The following CPXM2 variants were observed in gnomAD, a reference collection of about 807,000 sequenced individuals.
CPXM2 encodes the protein carboxypeptidase X, M14 family member 2, also known as inactive carboxypeptidase-like protein X2.
Under a neutral mutation model 86.1 loss-of-function variants are expected in CPXM2, and 66 were observed. The ratio of observed to expected loss-of-function variants is 0.77; its 90% CI spans 0.63 to 0.94. The LOEUF is 0.94. CPXM2 is among the 40% of genes least tolerant of loss of function. The probability of loss-of-function intolerance (pLI) is 0.00; values close to 1 mark genes in which losing one functional copy is unlikely to be tolerated. For synonymous variants in CPXM2, 388 were observed against 400.2 expected, an observed-to-expected ratio of 0.97 and a Z score of 0.36; for missense variants, 948 against 1,026.3, an observed-to-expected ratio of 0.92 and a Z score of 1.04.
intron 7 of CPXM2, among the ~76,000 whole-genome samples, chr10:123,778,370 T>C (rs1457682550): frequency 1.3e-5 from 2 of 152,104 alleles, no homozygotes; most frequent in Admixed American, 1.3e-4. Context: ...AAATGGCAAA[T>C]CATTTCTGGC....
chr10:123,863,182 C>CCATTTGCCCCTGGAATAAAA (rs1848892907), intron 2 of CPXM2, among the ~76,000 whole-genome samples: 1 of 152,204 alleles, frequency 6.6e-6, no homozygotes, highest in Admixed American at 6.5e-5. Flanking sequence ...CTAGTAAACA[C>CCATTTGCCCCTGGAATAAAA]CATTTGCCCC....
chr10:123,788,843 G>A (rs897519707), intron 6 of CPXM2, among the ~76,000 whole-genome samples: 1 of 149,442 alleles, frequency 6.7e-6, no homozygotes, highest in Non-Finnish European at 1.5e-5. Context: ...CACTTTAAAA[G>A]GCTTAGTGTA....
At chr10:123,798,969 G>A (rs992746284) in intron 5 of CPXM2, 146 bp downstream of exon 5, 14 of 851,144 alleles carry the variant, frequency 1.6e-5, no homozygotes, top group Non-Finnish European at 2.2e-5. Context: ...GGCAGGGAAA[G>A]GGTCTCTGTC....
intron 4 of CPXM2, among the ~76,000 whole-genome samples, chr10:123,809,220 G>A (rs1273996367): frequency 6.6e-6 from 1 of 152,088 alleles, no homozygotes; most frequent in African/African-American, 2.4e-5. Flanking sequence ...GCAAGAAGTA[G>A]GGATGCTGGC....
intron 2 of CPXM2, among the ~76,000 whole-genome samples, chr10:123,915,779 G>C (rs1375771753): frequency 6.6e-6 from 1 of 152,154 alleles, no homozygotes; most frequent in Non-Finnish European, 1.5e-5. Flanking sequence ...AAGCTAAGCA[G>C]AGAGAAAACA....
At chr10:123,902,359 G>A (rs1169422051) in intron 2 of CPXM2, among the ~76,000 whole-genome samples, 1 of 152,198 alleles carries the variant, frequency 6.6e-6, no homozygotes, top group East Asian at 1.9e-4. Flanking sequence ...CATCTGCAGA[G>A]TGGGGGAATC....
In CPXM2 at chr10:123,753,605, C is replaced by T. The variant is rs140385087; in HGVS notation, c.2017+1058G>A. 3.8e-3 allele frequency among the ~76,000 whole-genome samples: 582 copies of T among 152,322 alleles called. 1 individual carries two copies. Among genetic ancestry groups the T allele is most frequent in the African/African-American group, 0.013 (551 of 41,570 alleles). The stretch of plus-strand genomic sequence containing the variant: ...ACAACTGAGAGAAAGCATGTATGAG[C>T]GTTCTTTGAGAACAGATCGTGTGGG... On this transcript the variant is annotated intron_variant, in intron 13 of 13. Coordinates refer to ENST00000241305, the MANE Select transcript of CPXM2 (RefSeq NM_198148.3).
rs971539814 is a variant in CPXM2 at position 123,914,691 on chromosome 10, G to A, written n.174+24786C>T. Among the ~76,000 whole-genome samples, 14 of 152,270 alleles carry A rather than the reference G, an allele frequency of 9.2e-5. No individual in the cohort carries two copies. The South Asian group carries it at 1.0e-3, about 11-fold the overall frequency. On this transcript the variant is annotated intron_variant and non_coding_transcript_variant, in intron 2 of 19. Transcript: ENST00000368854. ...AGCATAGCATCCATCAGCCCATCTCGTAGATTCAGCTTCCAACGTATACCA... is the reference window on the plus strand; with the variant it reads ...AGCATAGCATCCATCAGCCCATCTCATAGATTCAGCTTCCAACGTATACCA...
chr10:123,877,707 TGA>T (rs1187458700), intron 2 of CPXM2, among the ~76,000 whole-genome samples: 3 of 152,174 alleles, frequency 2.0e-5, no homozygotes, highest in Non-Finnish European at 4.4e-5. Flanking sequence ...GGTGTGGACA[TGA>T]GAAGAGGTGA....
chr10:123,752,575 T>C, intron 13 of CPXM2: 4 of 985,340 alleles, frequency 4.1e-6, no homozygotes, highest in Non-Finnish European at 4.8e-6. Flanking sequence ...CATCCTAATG[T>C]CCCAAAGTCT....
rs141513533 is a variant in CPXM2 at position 123,911,040 on chromosome 10, C to T, written n.174+28437G>A. ...TCCCTCTTCTTATAAGGACAGCAGT[C>T]ATCCTGGATTAAAGCCCATCCCAAG... On this transcript the variant is annotated intron_variant and non_coding_transcript_variant, in intron 2 of 19. Transcript: ENST00000368854. 5.5e-3 allele frequency among the ~76,000 whole-genome samples: 843 copies of T among 152,322 alleles called. 2 individuals are homozygous for T. The highest frequency in any genetic ancestry group is 9.1e-3 in the Non-Finnish European group (622 of 68,022).
chr10:123,760,411 A>C (rs1186863737), intron 11 of CPXM2, among the ~76,000 whole-genome samples: 1 of 152,160 alleles, frequency 6.6e-6, no homozygotes, highest in Non-Finnish European at 1.5e-5. Context: ...ACCATGATGG[A>C]TTTAGATAAA....
rs569937915 is a variant in CPXM2, at chr10:123,864,320, T to A, written c.404-1597A>T. 2.6e-5 allele frequency among the ~76,000 whole-genome samples: 4 copies of A among 151,554 alleles called. No homozygotes were observed. In the East Asian group the frequency reaches 7.8e-4, roughly 30 times the overall value. On this transcript the variant is annotated intron_variant, in intron 2 of 13. Coordinates refer to ENST00000241305, the MANE Select transcript of CPXM2 (RefSeq NM_198148.3). ...CTAGGCAGCAGGTTCTGTCAGGCGA[T>A]TCCTGGTGGCCTGGGAATAGCCTCT... is the stretch of plus-strand genomic sequence containing the variant.
chr10:123,768,146 G>C (rs947104208), intron 9 of CPXM2, among the ~76,000 whole-genome samples: 1 of 152,102 alleles, frequency 6.6e-6, no homozygotes, highest in African/African-American at 2.4e-5. Flanking sequence ...CCAGCACTTT[G>C]GGAGGCCAAG....
intron 9 of CPXM2, 90 bp from the exon 10 acceptor site, chr10:123,767,242 T>A: frequency 1.0e-5 from 12 of 1,188,860 alleles, no homozygotes; most frequent in Non-Finnish European, 1.5e-5. Flanking sequence ...CCACTTCCCC[T>A]TGGGGAATGT....
At chr10:123,806,261 T>C (rs1452666028) in intron 4 of CPXM2, among the ~76,000 whole-genome samples, 1 of 152,212 alleles carries the variant, frequency 6.6e-6, no homozygotes, top group Non-Finnish European at 1.5e-5. Flanking sequence ...AGATTGATGT[T>C]TATTTTCTTT....
intron 4 of CPXM2, among the ~76,000 whole-genome samples, chr10:123,803,819 G>A (rs551320502): frequency 6.6e-5 from 10 of 151,988 alleles, no homozygotes; most frequent in African/African-American, 1.9e-4. Context: ...GTGCCACCAC[G>A]CCCAGCTAAT....
chr10:123,792,785 A>T (rs1847235495), intron 6 of CPXM2, among the ~76,000 whole-genome samples: 1 of 152,188 alleles, frequency 6.6e-6, no homozygotes, highest in African/African-American at 2.4e-5. Context: ...AATCGGCATC[A>T]GAAGGTCTGT....
chr10:123,753,353 C>G (rs1375097056), intron 13 of CPXM2, among the ~76,000 whole-genome samples: 1 of 152,128 alleles, frequency 6.6e-6, no homozygotes, highest in East Asian at 1.9e-4. Flanking sequence ...TGTCAAGCAC[C>G]TTTATTTTCA....
Sources: gnomAD v4.1 joint callset for allele counts (sites outside exome capture counted in the v4.1 genomes callset) on GRCh38, gnomAD v4.1.1 for gene constraint, MANE v1.5 for transcripts, NCBI Gene and HGNC (gene_info 2026-07-23, HGNC 2026-07-21) for gene names.